The following SLC25A13 variants were observed in gnomAD, a reference collection of about 807,000 sequenced individuals.
SLC25A13 encodes electrogenic aspartate/glutamate antiporter SLC25A13, mitochondrial.
Under a neutral mutation model 85.5 loss-of-function variants are expected in SLC25A13, and 70 were observed. The observed-to-expected ratio is 0.82, with a 90% confidence interval of 0.68 to 1.00. The LOEUF is 1.00. SLC25A13 is among the 50% of genes least tolerant of loss of function. SLC25A13 has a pLI of 0.00. For synonymous variants in SLC25A13, 259 were observed against 288.7 expected, an observed-to-expected ratio of 0.90 and a Z score of 1.04; for missense variants, 765 against 819.8, an observed-to-expected ratio of 0.93 and a Z score of 0.82.
intron 1 of SLC25A13, among the ~76,000 whole-genome samples, chr7:96,298,498 G>GTCT (rs375093273): frequency 4.3e-4 from 65 of 152,016 alleles, no homozygotes; most frequent in African/African-American, 1.5e-3. Context: ...CAATGATGCA[G>GTCT]TCTTAGCTCA....
At chr7:96,176,345 G>T (rs1794222283) in intron 11 of SLC25A13, among the ~76,000 whole-genome samples, 1 of 152,202 alleles carries the variant, frequency 6.6e-6, no homozygotes, top group Non-Finnish European at 1.5e-5. Context: ...TGTGTGTGTT[G>T]TTTCTAACTT....
intron 5 of SLC25A13, among the ~76,000 whole-genome samples, chr7:96,204,347 C>T (rs1383125743): frequency 6.6e-6 from 1 of 152,016 alleles, no homozygotes; most frequent in Non-Finnish European, 1.5e-5. Context: ...CATTCTGTGC[C>T]CCCAAGTGCC....
At chr7:96,157,834 A>G (rs2116526754) in intron 13 of SLC25A13, among the ~76,000 whole-genome samples, 1 of 151,988 alleles carries the variant, frequency 6.6e-6, no homozygotes, top group Middle Eastern at 3.4e-3. Flanking sequence ...AAACAAACAG[A>G]ATTTTAAGAA....
intron 1 of SLC25A13, among the ~76,000 whole-genome samples, chr7:96,303,106 G>A (rs1037966739): frequency 3.3e-5 from 5 of 152,074 alleles, no homozygotes; most frequent in African/African-American, 1.2e-4. Flanking sequence ...TACCATGTGT[G>A]GGTGGACTGA....
intron 4 of SLC25A13, among the ~76,000 whole-genome samples, chr7:96,229,645 C>T (rs771667956): frequency 4.6e-5 from 7 of 152,260 alleles, no homozygotes; most frequent in East Asian, 3.9e-4. Context: ...AGCGACACCA[C>T]GAACCCACCG....
intron 3 of SLC25A13, among the ~76,000 whole-genome samples, chr7:96,236,532 G>A (rs1481651314): frequency 2.6e-5 from 4 of 152,330 alleles, no homozygotes; most frequent in Admixed American, 2.0e-4. Context: ...CTTCATGGCG[G>A]CATGGTATTT....
chr7:96,202,245 C>G (rs1163199029), intron 5 of SLC25A13, among the ~76,000 whole-genome samples: 1 of 152,162 alleles, frequency 6.6e-6, no homozygotes, highest in Non-Finnish European at 1.5e-5. Context: ...GTCTGGGATG[C>G]CAGACACAGC....
chr7:96,310,570 A>T (rs1338607354), intron 1 of SLC25A13, among the ~76,000 whole-genome samples: 4 of 152,200 alleles, frequency 2.6e-5, no homozygotes, highest in African/African-American at 9.7e-5. Context: ...TTACTAGGAG[A>T]TGCATTCAGA....
intron 4 of SLC25A13, among the ~76,000 whole-genome samples, chr7:96,220,258 G>T (rs1796065036): frequency 6.6e-6 from 1 of 152,084 alleles, no homozygotes; most frequent in African/African-American, 2.4e-5. Flanking sequence ...TCCTTAGACG[G>T]ATATTATCGA....
intron 4 of SLC25A13, among the ~76,000 whole-genome samples, chr7:96,218,275 A>G (rs1468640207): frequency 1.3e-5 from 2 of 152,204 alleles, no homozygotes; most frequent in African/African-American, 4.8e-5. Flanking sequence ...CTCATATGCT[A>G]AAATTTTGAA....
At chr7:96,312,087 C>G (rs1426612386) in intron 1 of SLC25A13, among the ~76,000 whole-genome samples, 1 of 152,206 alleles carries the variant, frequency 6.6e-6, no homozygotes, top group African/African-American at 2.4e-5. Flanking sequence ...CTGCAGGCAA[C>G]AGAAGCCACA....
chr7:96,201,702 T>A (rs1362792153), intron 5 of SLC25A13, among the ~76,000 whole-genome samples: 1 of 152,190 alleles, frequency 6.6e-6, no homozygotes, highest in African/African-American at 2.4e-5. Context: ...TTATTTTTTA[T>A]GAACACATGA....
chr7:96,270,049 T>C (rs1011458719), intron 3 of SLC25A13, among the ~76,000 whole-genome samples: 3 of 152,210 alleles, frequency 2.0e-5, no homozygotes, highest in Non-Finnish European at 2.9e-5. Context: ...AAGAGACCTA[T>C]TGTACAACAT....
At chr7:96,149,455 C>G (rs1436288328) in intron 13 of SLC25A13, among the ~76,000 whole-genome samples, 1 of 152,178 alleles carries the variant, frequency 6.6e-6, no homozygotes, top group East Asian at 1.9e-4. Flanking sequence ...AGCCAACCAA[C>G]AGATAACAAT....
chr7:96,297,060 T>C, intron 1 of SLC25A13, 109 bp from the exon 2 acceptor site: 2 of 991,854 alleles, frequency 2.0e-6, no homozygotes, highest in Non-Finnish European at 3.2e-6. Flanking sequence ...ATTTCATTTT[T>C]GTACTTAAAT....
chr7:96,321,888 A>AC (rs987350906), intron 1 of SLC25A13, 54 bp downstream of exon 1: 1 of 1,496,232 alleles, frequency 6.7e-7, no homozygotes, highest in East Asian at 2.7e-5. Context: ...AGCCTCTCGC[A>AC]CCCCCAGGCT....
Position 96,253,364 on chromosome 7 carries a change from G to C in SLC25A13, c.213-18447C>G, listed in dbSNP as rs112363950. Among the ~76,000 whole-genome samples, 535 of 152,088 alleles carry C rather than the reference G, an allele frequency of 3.5e-3. 1 individual carries two copies. The highest frequency in any genetic ancestry group is 0.012 in the African/African-American group (497 of 41,476). ...CAGTATCTGCAGGTAAATTGAGAAGGGAAAGCTAACTAAACTTCCCTGGAG... is the reference window on the plus strand; with the variant it reads ...CAGTATCTGCAGGTAAATTGAGAAGCGAAAGCTAACTAAACTTCCCTGGAG... On this transcript the variant is annotated intron_variant, in intron 3 of 17. Coordinates refer to ENST00000265631, the MANE Select transcript of SLC25A13 (RefSeq NM_014251.3).
At chr7:96,140,499 G>T (rs1432817869) in intron 14 of SLC25A13, among the ~76,000 whole-genome samples, 1 of 148,064 alleles carries the variant, frequency 6.8e-6, no homozygotes, top group East Asian at 2.0e-4. Context: ...CCACCTCCCG[G>T]GTTCAAGTGA....
At chr7:96,232,147 A>G (rs1452359541) in intron 4 of SLC25A13, among the ~76,000 whole-genome samples, 1 of 152,232 alleles carries the variant, frequency 6.6e-6, no homozygotes, top group African/African-American at 2.4e-5. Flanking sequence ...TGTTCACCGT[A>G]GCACTATTCA....
Sources: gnomAD v4.1 joint callset for allele counts (sites outside exome capture counted in the v4.1 genomes callset) on GRCh38, gnomAD v4.1.1 for gene constraint, MANE v1.5 for transcripts, NCBI Gene and HGNC (gene_info 2026-07-23, HGNC 2026-07-21) for gene names.